The following ADGRF5 variants were observed in gnomAD, a reference collection of about 807,000 sequenced individuals.
ADGRF5 encodes the protein adhesion G protein-coupled receptor F5.
ADGRF5 carries 75 observed loss-of-function variants against 132.3 expected under a neutral mutation model. The observed-to-expected ratio is 0.57, with a 90% CI of 0.47 to 0.69. The LOEUF is 0.69. ADGRF5 is among the 30% of genes least tolerant of loss of function. ADGRF5 has a pLI of 0.00. For synonymous variants in ADGRF5, 629 were observed against 597.6 expected (o/e 1.05, Z -0.77); for missense variants, 1,516 against 1,630.6 (o/e 0.93, Z 1.21).
At chr6:46,865,651 A>G (rs1450876585) in intron 13 of ADGRF5, among the ~76,000 whole-genome samples, 1 of 152,234 alleles carries the variant, frequency 6.6e-6, no homozygotes, top group East Asian at 1.9e-4. Context: ...CATAGAAAGC[A>G]CTGAATGTAT....
At chr6:46,942,780 C>A (rs369133969) in intron 1 of ADGRF5, among the ~76,000 whole-genome samples, 5 of 152,152 alleles carry the variant, frequency 3.3e-5, no homozygotes, top group African/African-American at 1.2e-4. Context: ...TTCTTTCTTC[C>A]TTTTTCTCTT....
At position 46,862,874 on chromosome 6, in the gene ADGRF5, G is replaced by A; in HGVS notation, c.2199+14C>T. The A allele has an allele frequency of 3.8e-6, 6 of 1,568,748 alleles. No homozygotes were observed. The highest frequency in any genetic ancestry group is 5.3e-6 in the Non-Finnish European group (6 of 1,139,726). Reference sequence around the variant, plus strand: ...GCCCCACCAAGAGCTCAGAGTGGAAGCTTTAAGGATCACCTTAGCCATCTG... The same window carrying A: ...GCCCCACCAAGAGCTCAGAGTGGAAACTTTAAGGATCACCTTAGCCATCTG... On this transcript the variant is annotated intron_variant, in intron 15 of 20. Coordinates refer to ENST00000283296, the MANE Select transcript of ADGRF5 (RefSeq NM_001098518.2).
intron 1 of ADGRF5, among the ~76,000 whole-genome samples, chr6:46,920,770 G>A (rs141202534): frequency 0.019 from 2,859 of 152,076 alleles, 51 homozygotes; most frequent in Non-Finnish European, 0.031. Context: ...GGTTGAGGCA[G>A]GAGGATCGTT....
intron 2 of ADGRF5, 93 bp downstream of exon 2, chr6:46,906,568 T>G (rs1358771965): frequency 2.7e-6 from 2 of 733,888 alleles, no homozygotes; most frequent in African/African-American, 1.8e-5. Context: ...CCCTAAAGTT[T>G]TTTCTCCTTA....
chr6:46,911,057 G>A (rs1775899861), intron 1 of ADGRF5, among the ~76,000 whole-genome samples: 2 of 152,088 alleles, frequency 1.3e-5, no homozygotes, highest in African/African-American at 4.8e-5. Context: ...ACACAGTCTA[G>A]GCCTTCTCTG....
chr6:46,896,681 T>C (rs1177259227), intron 3 of ADGRF5, among the ~76,000 whole-genome samples: 1 of 151,566 alleles, frequency 6.6e-6, no homozygotes. Flanking sequence ...TGTGTAAATG[T>C]GACATACATA....
intron 1 of ADGRF5, among the ~76,000 whole-genome samples, chr6:46,942,985 C>A (rs757464439): frequency 1.3e-5 from 2 of 152,088 alleles, no homozygotes; most frequent in Non-Finnish European, 2.9e-5. Flanking sequence ...TGACCAATTC[C>A]TCAATTATAA....
intron 1 of ADGRF5, among the ~76,000 whole-genome samples, chr6:46,935,058 C>T (rs1019660704): frequency 1.6e-5 from 2 of 128,116 alleles, no homozygotes; most frequent in East Asian, 2.3e-4. Context: ...GGCTGGAATG[C>T]AGTAGTGTGA....
intron 3 of ADGRF5, among the ~76,000 whole-genome samples, chr6:46,896,805 T>C (rs972908479): frequency 2.0e-5 from 3 of 152,024 alleles, no homozygotes; most frequent in Admixed American, 2.0e-4. Flanking sequence ...ATGGAAAATA[T>C]TTTTAAAAAT....
intron 1 of ADGRF5, chr6:46,908,708 ATT>A (rs1562225828): frequency 6.6e-6 from 1 of 152,194 alleles, no homozygotes; most frequent in Admixed American, 6.6e-5. Flanking sequence ...ATAAATTAAC[ATT>A]CTTATCTATG....
intron 1 of ADGRF5, among the ~76,000 whole-genome samples, chr6:46,936,220 C>T (rs1398355775): frequency 6.6e-6 from 1 of 152,178 alleles, no homozygotes; most frequent in Admixed American, 6.5e-5. Context: ...TCCAGAGCTG[C>T]CCCATGCCCA....
intron 1 of ADGRF5, among the ~76,000 whole-genome samples, chr6:46,949,223 T>C (rs1056035743): frequency 2.0e-5 from 3 of 152,144 alleles, no homozygotes; most frequent in Non-Finnish European, 4.4e-5. Flanking sequence ...GCTGCTTTCT[T>C]CCCCCAGGAT....
chr6:46,904,874 G>A (rs1424540553), intron 2 of ADGRF5, among the ~76,000 whole-genome samples: 1 of 152,144 alleles, frequency 6.6e-6, no homozygotes, highest in Non-Finnish European at 1.5e-5. Context: ...CCTTTGGGTT[G>A]CATGAAGACA....
At chr6:46,856,145 C>T (rs1769022680) in intron 19 of ADGRF5, 87 bp from the exon 20 acceptor site, 2 of 744,882 alleles carry the variant, frequency 2.7e-6, no homozygotes, top group Non-Finnish European at 4.8e-6. Context: ...ATTTTCCACC[C>T]TCTAGTGGTC....
At position 46,862,703 on chromosome 6, in the gene ADGRF5, C is replaced by CTTTTTTTTTTTTTTT. The variant is rs67565937; in HGVS notation, c.2199+170_2199+184dup. Among the ~76,000 whole-genome samples, 89 of 26,512 alleles carry CTTTTTTTTTTTTTTT rather than the reference C, an allele frequency of 3.4e-3. 22 individuals are homozygous for CTTTTTTTTTTTTTTT. The highest frequency in any genetic ancestry group is 0.013 in the East Asian group (7 of 522). The allele number at this position is 26,512 out of a possible 152,430, so 17.4% of individuals were successfully genotyped here. ...AGTTGTCTTAGTATTTGAATTGAGG[C>CTTTTTTTTTTTTTTT]TTTTTTTTTTTTTTTTTTTTTTTTT... On this transcript the variant is annotated intron_variant, in intron 15 of 20. Transcript: ENST00000283296.
chr6:46,925,216 C>T (rs9472912), upstream of ADGRF5, among the ~76,000 whole-genome samples: 1,578 of 152,318 alleles, frequency 0.01, 29 homozygotes, highest in African/African-American at 0.036. Context: ...AGGGTCTTCA[C>T]ACTTGCTGTT....
chr6:46,882,544 G>A (rs947343738), intron 6 of ADGRF5, among the ~76,000 whole-genome samples: 9 of 152,222 alleles, frequency 5.9e-5, no homozygotes, highest in Non-Finnish European at 1.0e-4. Context: ...GGTGATGGTC[G>A]TGGATTTCAG....
At chr6:46,907,888 A>G (rs1775557137) in intron 1 of ADGRF5, 1 of 152,194 alleles carries the variant, frequency 6.6e-6, no homozygotes, top group Non-Finnish European at 1.5e-5. Flanking sequence ...GACTCGAATG[A>G]GATTAAAAGG....
intron 3 of ADGRF5, among the ~76,000 whole-genome samples, chr6:46,897,143 TATAC>T (rs1380265510): frequency 4.1e-4 from 50 of 123,436 alleles, no homozygotes; most frequent in Non-Finnish European, 6.2e-4. Flanking sequence ...CATGCATATA[TATAC>T]ACACACACAC....
Sources: gnomAD v4.1 joint callset for allele counts (sites outside exome capture counted in the v4.1 genomes callset) on GRCh38, gnomAD v4.1.1 for gene constraint, MANE v1.5 for transcripts, NCBI Gene and HGNC (gene_info 2026-07-23, HGNC 2026-07-21) for gene names.